Variants in TICAM1 observed in about 807,000 individuals in gnomAD.
The protein encoded by TICAM1 is TIR domain-containing adapter molecule 1.
For missense variants in TICAM1, 895 were observed against 938.2 expected (o/e 0.95, Z 0.60); for synonymous variants, 439 against 415.4 (o/e 1.06, Z -0.69).
chr19:4,820,322 A>T (rs2093595168), intron 1 of TICAM1, among the ~76,000 whole-genome samples: 1 of 151,244 alleles, frequency 6.6e-6, no homozygotes, highest in Non-Finnish European at 1.5e-5. Flanking sequence ...CGGGAGGCTG[A>T]GGTAGGAAAA....
chr19:4,821,233 G>A (rs988100735), intron 1 of TICAM1, among the ~76,000 whole-genome samples: 1 of 151,834 alleles, frequency 6.6e-6, no homozygotes, highest in African/African-American at 2.4e-5. Context: ...CATCTGCCAT[G>A]TATTGGGTAC....
chr19:4,820,719 AT>A (rs879791356), intron 1 of TICAM1, among the ~76,000 whole-genome samples: 21 of 151,350 alleles, frequency 1.4e-4, no homozygotes, highest in East Asian at 1.4e-3. Context: ...AATAAAAAAA[AT>A]AAAAAATAAA....
chr19:4,828,302 A>G (rs1180963302), intron 1 of TICAM1, among the ~76,000 whole-genome samples: 2 of 143,182 alleles, frequency 1.4e-5, no homozygotes, highest in Non-Finnish European at 3.1e-5. Flanking sequence ...TGGTGTGATC[A>G]TAGCTCACTG....
rs1341212322 is a variant in TICAM1, at chr19:4,827,812, C to G, written c.-140+3802G>C. Among the ~76,000 whole-genome samples the G allele has an allele frequency of 2.7e-5, 4 of 150,248 alleles. No individual in the cohort carries two copies. The South Asian group carries it at 6.3e-4, about 24-fold the overall frequency. ...AGGTGGGACCACAAGTCGGCCAAAA[C>G]TTTTTGAAATGATCAAGACAACTAC... On this transcript the variant is annotated intron_variant, in intron 1 of 1. Transcript: ENST00000248244.
intron 1 of TICAM1, among the ~76,000 whole-genome samples, chr19:4,827,498 G>A (rs551361259): frequency 1.9e-5 from 2 of 106,100 alleles, no homozygotes; most frequent in African/African-American, 8.2e-5. Context: ...GCTCACGCCT[G>A]TAATCCCAGC....
At chr19:4,827,706 C>T (rs1474902967) in intron 1 of TICAM1, among the ~76,000 whole-genome samples, 15 of 147,002 alleles carry the variant, frequency 1.0e-4, no homozygotes, top group Non-Finnish European at 7.4e-5. Flanking sequence ...TGCAGCGAGC[C>T]GAGTTGGTGC....
Position 4,817,575 on chromosome 19 carries a change from G to C in TICAM1, c.803C>G (p.Pro268Arg). ...SGEIASPPEL[P>R]SSPPPGLPEV... is the part of the protein sequence containing the mutation. ...GGGAAGCCCAGGAGGTGGGCTGCTT[G>C]GCAGCTCTGGTGGGCTGGCAATCTC... The change falls in exon 2 of 2, where the codon CCA becomes CGA. Residue 268 changes from proline to arginine, a missense_variant. Transcript: ENST00000248244. The surrounding 1 kb of genome is among the most constrained non-coding windows in gnomAD (Gnocchi z 4.7). 1 of 1,611,356 alleles carries C rather than the reference G, an allele frequency of 6.2e-7. No homozygotes were observed. Among genetic ancestry groups the C allele is most frequent in the Non-Finnish European group, 8.5e-7 (1 of 1,179,058 alleles).
chr19:4,817,312 G>A lies in TICAM1; in HGVS notation c.1066C>T (p.Pro356Ser), dbSNP rs779115581. Residue 356 changes from proline to serine, a missense_variant, in exon 2 of 2, where the codon CCA (proline) becomes TCA (serine). Coordinates refer to ENST00000248244, the MANE Select transcript of TICAM1 (RefSeq NM_182919.4). The surrounding 1 kb of genome is among the most constrained non-coding windows in gnomAD (Gnocchi z 4.7). ...TKPCPPTPTTPETSPPPPPPP... is the reference protein window; with the variant it reads ...TKPCPPTPTTSETSPPPPPPP... ...GGAGGAGGAGGAGGGGATGTTTCTG[G>A]GGTGGTGGGAGTAGGTGGGCACGGC... 7.4e-6 allele frequency: 12 copies of A among 1,613,604 alleles called. No individual in the cohort carries two copies. In the East Asian group the frequency reaches 2.5e-4, roughly 33 times the overall value.
In TICAM1 at chr19:4,816,548, C is replaced by T. The variant is rs1427172401; in HGVS notation, c.1830G>A (p.Gly610=). ...GAPYGARMPF[G]GQVPLGAPPP... is the part of the protein sequence containing the mutation. ...GCGGGGCTCCCAGGGGCACCTGGCC[C>T]CCAAAGGGCATTCGAGCCCCATAGG... The change falls in exon 2 of 2, where the codon GGG becomes GGA. Residue 610 remains glycine (G), a synonymous_variant. Transcript: ENST00000248244. The surrounding 1 kb of genome is among the most constrained non-coding windows in gnomAD (Gnocchi z 4.3). The T allele has an allele frequency of 6.2e-7, 1 of 1,608,362 alleles. No individual in the cohort carries two copies.
intron 1 of TICAM1, among the ~76,000 whole-genome samples, chr19:4,824,153 C>T (rs1291677169): frequency 1.3e-5 from 2 of 151,534 alleles, no homozygotes; most frequent in Non-Finnish European, 2.9e-5. Context: ...GGATCACAGG[C>T]ACATGCCACC....
At chr19:4,824,002 C>T (rs1190800932) in intron 1 of TICAM1, among the ~76,000 whole-genome samples, 1 of 95,840 alleles carries the variant, frequency 1.0e-5, no homozygotes, top group Non-Finnish European at 2.0e-5. Flanking sequence ...TAAAGAGACA[C>T]TGAATTTTAA....
chr19:4,828,698 T>C (rs2093609398), intron 1 of TICAM1, among the ~76,000 whole-genome samples: 1 of 124,572 alleles, frequency 8.0e-6, no homozygotes, highest in Non-Finnish European at 1.6e-5. Flanking sequence ...CACGCCCAGA[T>C]AATCTTTTTT....
Position 4,815,978 on chromosome 19 carries a change from C to A in TICAM1, c.*261G>T. 2.6e-6 allele frequency: 1 copy of A among 383,422 alleles called. No individual in the cohort carries two copies. The highest frequency in any genetic ancestry group is 4.5e-6 in the Non-Finnish European group (1 of 220,640). 23.8% of individuals were successfully genotyped at this position (383,422 alleles called of 1,614,324 possible). Reference sequence around the variant, plus strand: ...ATAATTAAAAGACCGTAGCAATACCCCCACCACCAAGACCCTTCACCCAGA... The same window carrying A: ...ATAATTAAAAGACCGTAGCAATACCACCACCACCAAGACCCTTCACCCAGA... On this transcript the variant is annotated 3_prime_UTR_variant, in exon 2 of 2. Transcript: ENST00000248244.
At chr19:4,827,428 T>G (rs1221212810) in intron 1 of TICAM1, among the ~76,000 whole-genome samples, 7 of 141,012 alleles carry the variant, frequency 5.0e-5, no homozygotes, top group African/African-American at 1.8e-4. Context: ...GCCCAGCTTC[T>G]ATCTCTGTTG....
rs934557440 is a variant in TICAM1 at position 4,831,681 on chromosome 19, T to C, written c.-207A>G. On this transcript the variant is annotated 5_prime_UTR_variant, in exon 1 of 2. Coordinates refer to ENST00000248244, the MANE Select transcript of TICAM1 (RefSeq NM_182919.4). ...CCTGGGGGCTGGGGCTTCTGCGGAGTTGCCCGCGGACCGTAGCGCGCTGAG... is the reference window on the plus strand; with the variant it reads ...CCTGGGGGCTGGGGCTTCTGCGGAGCTGCCCGCGGACCGTAGCGCGCTGAG... 3 of 152,264 alleles carry C rather than the reference T, an allele frequency of 2.0e-5. No homozygotes were observed. The highest frequency in any genetic ancestry group is 4.4e-5 in the Non-Finnish European group (3 of 68,148). 9.4% of individuals were successfully genotyped at this position (152,264 alleles called of 1,614,324 possible). A position where few individuals can be genotyped will look rare whatever the true frequency, so the allele number is the denominator to read the frequency against.
chr19:4,817,929 C>T lies in TICAM1; in HGVS notation c.449G>A (p.Gly150Glu), dbSNP rs1303872299. 1 of 1,613,812 alleles carries T rather than the reference C, an allele frequency of 6.2e-7. No homozygotes were observed. Among genetic ancestry groups the T allele is most frequent in the East Asian group, 2.2e-5 (1 of 44,884 alleles). The part of the protein sequence containing the change: ...ARNRCGWDIA[G>E]DPGSIRTLQS... ...GAGCGTCCGGATGCTCCCTGGATCC[C>T]CAGCAATGTCCCACCCACACCGGTT... The change falls in exon 2 of 2, where the codon GGG becomes GAG. Residue 150 changes from glycine to glutamate, a missense_variant. Coordinates refer to ENST00000248244, the MANE Select transcript of TICAM1 (RefSeq NM_182919.4). This position sits in a 1 kb window ranked among gnomAD's most constrained non-coding sequence, Gnocchi z 4.7.
At chr19:4,826,315 AT>A (rs1568367344) in intron 1 of TICAM1, among the ~76,000 whole-genome samples, 26 of 150,110 alleles carry the variant, frequency 1.7e-4, no homozygotes, top group African/African-American at 6.4e-4. Flanking sequence ...ATATATATAT[AT>A]ATTTATTTAT....
rs752768415 is a variant in TICAM1, at chr19:4,816,627, A to G, written c.1751T>C (p.Met584Thr). The G allele has an allele frequency of 6.2e-7, 1 of 1,614,114 alleles. No individual in the cohort carries two copies. Among genetic ancestry groups the G allele is most frequent in the Non-Finnish European group, 8.5e-7 (1 of 1,180,036 alleles). Residue 584 changes from methionine to threonine, a missense_variant, in exon 2 of 2, where the codon ATG (methionine) becomes ACG (threonine). Physicochemically the swap from Met to Thr is moderately conservative, Grantham distance 81. Coordinates refer to ENST00000248244, the MANE Select transcript of TICAM1 (RefSeq NM_182919.4). The surrounding 1 kb of genome is among the most constrained non-coding windows in gnomAD (Gnocchi z 4.3). ...LQSYLSYQAQ[M>T]EQLQVAFGSH... ...CCCAAAAGCCACCTGGAGCTGCTCC[A>G]TCTGTGCCTGGTAGGACAAGTAGCT...
rs1400867889 is a variant in TICAM1 at position 4,817,045 on chromosome 19, C to T, written c.1333G>A (p.Ala445Thr). ...ATGATGAAAGCTGAGTGGTCTATGG[C>T]GTCCTGCAGGCAGCTCAGCTCCCCG... ...GRGELSCLQD[A>T]IDHSAFIILL... Residue 445 changes from alanine to threonine, a missense_variant, in exon 2 of 2, where the codon GCC becomes ACC. Ala to Thr is a moderately conservative substitution (Grantham distance 58). Transcript: ENST00000248244. The surrounding 1 kb of genome is among the most constrained non-coding windows in gnomAD (Gnocchi z 4.7). The T allele has an allele frequency of 8.7e-6, 14 of 1,613,962 alleles. No individual in the cohort carries two copies. Among genetic ancestry groups the T allele is most frequent in the Non-Finnish European group, 1.0e-5 (12 of 1,180,012 alleles).
Sources: allele counts gnomAD v4.1 joint callset (sites outside exome capture counted in the v4.1 genomes callset), GRCh38; gene constraint gnomAD v4.1.1; non-coding constraint Gnocchi (gnomAD v3.1); transcripts MANE v1.5; gene names NCBI Gene and HGNC (gene_info 2026-07-23, HGNC 2026-07-21).